DCDC2C: variants seen among roughly 807,000 people sequenced by gnomAD.
DCDC2C encodes doublecortin domain containing 2C.
Under a neutral mutation model 45.0 loss-of-function variants are expected in DCDC2C, and 44 were observed. That is an observed-to-expected ratio of 0.98 (90% CI 0.77 to 1.26). The LOEUF (loss-of-function observed/expected upper bound fraction) is 1.26. Ranked by LOEUF, DCDC2C falls within the 50% of genes most tolerant of loss-of-function variation. The probability of loss-of-function intolerance (pLI) is 0.00; values close to 1 mark genes in which losing one functional copy is unlikely to be tolerated. For missense variants in DCDC2C, 447 were observed against 468.9 expected, an observed-to-expected ratio of 0.95 and a Z score of 0.43; for synonymous variants, 187 against 178.8, an observed-to-expected ratio of 1.05 and a Z score of -0.37.
chr2:3,704,137 T>C, intron 1 of DCDC2C, 99 bp downstream of exon 1: 1 of 1,077,204 alleles, frequency 9.3e-7, no homozygotes, highest in Non-Finnish European at 1.2e-6. Context: ...CTCCCCAGGC[T>C]TCCCTCCCGG....
Position 3,847,875 on chromosome 2 carries a change from G to T in DCDC2C, c.*692G>T, listed in dbSNP as rs1672373268. On this transcript the variant is annotated 3_prime_UTR_variant, in exon 11 of 11. Transcript: ENST00000399143. The stretch of plus-strand genomic sequence containing the variant: ...CCCTTCACTCTCTCTCTCCTGCTCT[G>T]CCATGTGAAAAAGATTCTTGCTTCC... 6.6e-6 allele frequency among the ~76,000 whole-genome samples: 1 copy of T among 152,026 alleles called. No homozygotes were observed. The highest frequency in any genetic ancestry group is 2.4e-5 in the African/African-American group (1 of 41,398).
At chr2:3,814,363 G>C (rs551933581) in intron 10 of DCDC2C, among the ~76,000 whole-genome samples, 5 of 152,202 alleles carry the variant, frequency 3.3e-5, no homozygotes, top group African/African-American at 4.8e-5. Flanking sequence ...CTGTTTTTCA[G>C]CTCCATCCTG....
At chr2:3,710,881 C>G (rs1344497145) in intron 2 of DCDC2C, among the ~76,000 whole-genome samples, 1 of 152,180 alleles carries the variant, frequency 6.6e-6, no homozygotes, top group African/African-American at 2.4e-5. Context: ...AAGGTTGATT[C>G]AATGACTTTG....
intron 8 of DCDC2C, among the ~76,000 whole-genome samples, chr2:3,774,245 G>A (rs914665122): frequency 1.6e-4 from 24 of 152,332 alleles, no homozygotes; most frequent in African/African-American, 5.3e-4. Flanking sequence ...TGGCTTTAAT[G>A]AATAAATTAA....
chr2:3,806,710 T>A (rs1572631956), intron 10 of DCDC2C, among the ~76,000 whole-genome samples: 1 of 109,036 alleles, frequency 9.2e-6, no homozygotes, highest in Non-Finnish European at 2.0e-5. Context: ...GCCTGGCTAA[T>A]TTTTTTTTTT....
Position 3,754,597 on chromosome 2 carries a change from A to G in DCDC2C, c.689A>G (p.Tyr230Cys), listed in dbSNP as rs1323949151. 2.6e-6 allele frequency: 4 copies of G among 1,549,946 alleles called. No homozygotes were observed. In the Admixed American group the frequency reaches 5.9e-5, roughly 23 times the overall value. ...GAACATCTTTTGTCTTGCAGAAGGTATGCGAATGTTGAAAAAAACTCACAG... is the reference window on the plus strand; with the variant it reads ...GAACATCTTTTGTCTTGCAGAAGGTGTGCGAATGTTGAAAAAAACTCACAG... ...PRVPSEVQQR[Y>C]ANVEKNSQRK... Residue 230 changes from tyrosine (Y) to cysteine (C), a missense_variant, in exon 6 of 11, where the codon TAT becomes TGT. By Grantham distance (194) the Tyr-to-Cys change is radical. Transcript: ENST00000399143.
At chr2:3,829,830 T>G (rs1671910487) in intron 10 of DCDC2C, among the ~76,000 whole-genome samples, 1 of 152,224 alleles carries the variant, frequency 6.6e-6, no homozygotes, top group Non-Finnish European at 1.5e-5. Context: ...GTCCCTGCTT[T>G]TCCTCTTCCT....
intron 10 of DCDC2C, among the ~76,000 whole-genome samples, chr2:3,789,301 C>T (rs1315431659): frequency 6.6e-6 from 1 of 152,206 alleles, no homozygotes. Flanking sequence ...TGCCCTATTT[C>T]CAGACTTCCT....
At position 3,818,462 on chromosome 2, in the gene DCDC2C, G is replaced by A. The variant is rs768489688; in HGVS notation, c.1066-28692G>A. On this transcript the variant is annotated intron_variant, in intron 10 of 10. Transcript: ENST00000399143. This position sits in a 1 kb window ranked among gnomAD's most constrained non-coding sequence, Gnocchi z 4.7. Reference sequence around the variant, plus strand: ...AGAGTATATGGCTTTGGCACCACGGGGTGGATAGGCAAGACAATTTGGTTG... The same window carrying A: ...AGAGTATATGGCTTTGGCACCACGGAGTGGATAGGCAAGACAATTTGGTTG... Among the ~76,000 whole-genome samples the A allele has an allele frequency of 1.3e-5, 2 of 152,180 alleles. No individual in the cohort carries two copies. Among genetic ancestry groups the A allele is most frequent in the African/African-American group, 4.8e-5 (2 of 41,438 alleles).
chr2:3,752,873 C>T lies in DCDC2C; in HGVS notation c.656C>T (p.Ser219Phe). ...TTCAAATATTTTCCTTACTGGAAGT[C>T]TCCAAGGGTGCCCAGTGAGGTCCAA... ...ETFKYFPYWK[S>F]PRVPSEVQQR... The change falls in exon 5 of 11, where the codon TCT (serine) becomes TTT (phenylalanine). Residue 219 changes from serine to phenylalanine, a missense_variant. Transcript: ENST00000399143. 2 of 1,550,542 alleles carry T rather than the reference C, an allele frequency of 1.3e-6. No individual in the cohort carries two copies. Among genetic ancestry groups the T allele is most frequent in the Non-Finnish European group, 8.7e-7 (1 of 1,146,972 alleles).
chr2:3,741,884 A>G, intron 3 of DCDC2C, 36 bp from the exon 4 acceptor site: 1 of 1,517,430 alleles, frequency 6.6e-7, no homozygotes. Flanking sequence ...CTCAAACTTA[A>G]GGTATTAATG....
Position 3,769,331 on chromosome 2 carries a change from C to A in DCDC2C, c.874C>A (p.Pro292Thr). The A allele has an allele frequency of 6.4e-7, 1 of 1,550,508 alleles. No individual in the cohort carries two copies. The highest frequency in any genetic ancestry group is 8.7e-7 in the Non-Finnish European group (1 of 1,146,926). The change falls in exon 8 of 11, where the codon CCG (proline) becomes ACG (threonine). Residue 292 changes from proline (P) to threonine (T), a missense_variant. Coordinates refer to ENST00000399143, the MANE Select transcript of DCDC2C (RefSeq NM_001287444.2). ...RGAEGDVYKA[P>T]TPSKETQGAL... ...CCCAGAAGGTGACGTGTATAAAGCA[C>A]CGACTCCTAGCAAGGAAACCCAAGG...
At chr2:3,797,348 G>A (rs1428692986) in intron 10 of DCDC2C, among the ~76,000 whole-genome samples, 1 of 150,842 alleles carries the variant, frequency 6.6e-6, no homozygotes, top group Non-Finnish European at 1.5e-5. Context: ...TTTTTGAAGG[G>A]TTTTTTGTGT....
intron 6 of DCDC2C, among the ~76,000 whole-genome samples, chr2:3,757,932 G>C (rs942703836): frequency 6.6e-6 from 1 of 152,188 alleles, no homozygotes; most frequent in Non-Finnish European, 1.5e-5. Flanking sequence ...GATACCTATG[G>C]GGGGAAAGCA....
chr2:3,838,022 A>G (rs532116522), intron 10 of DCDC2C, among the ~76,000 whole-genome samples: 2 of 152,320 alleles, frequency 1.3e-5, no homozygotes, highest in East Asian at 3.9e-4. Flanking sequence ...AAGAAAAAGG[A>G]AACAAGAAAT....
chr2:3,712,488 C>CAA (rs34271207), intron 2 of DCDC2C, among the ~76,000 whole-genome samples: 5,149 of 114,858 alleles, frequency 0.045, 164 homozygotes, highest in African/African-American at 0.1. Flanking sequence ...CCTATCTCTA[C>CAA]AAAAAAAAAA....
At chr2:3,817,329 C>T (rs1281344006) in intron 10 of DCDC2C, among the ~76,000 whole-genome samples, 1 of 152,134 alleles carries the variant, frequency 6.6e-6, no homozygotes, top group Non-Finnish European at 1.5e-5. Context: ...GAGGAAACCT[C>T]TTTTTGCCCA....
At chr2:3,725,824 G>A (rs1668658246) in intron 2 of DCDC2C, 1 of 163,454 alleles carries the variant, frequency 6.1e-6, no homozygotes, top group East Asian at 2.0e-4. Context: ...GCTGCTCGGT[G>A]GATCCCAGAG....
chr2:3,823,749 T>A (rs1371123960), intron 10 of DCDC2C, among the ~76,000 whole-genome samples: 2 of 152,260 alleles, frequency 1.3e-5, no homozygotes, highest in Non-Finnish European at 2.9e-5. Flanking sequence ...TTGTTTCAAG[T>A]GAGAATTTTC....
Sources: allele counts gnomAD v4.1 joint callset (sites outside exome capture counted in the v4.1 genomes callset), GRCh38; gene constraint gnomAD v4.1.1; non-coding constraint Gnocchi (gnomAD v3.1); transcripts MANE v1.5; gene names NCBI Gene and HGNC (gene_info 2026-07-23, HGNC 2026-07-21).